The following FOXO1 variants were observed in gnomAD, a reference collection of about 807,000 sequenced individuals.
FOXO1 encodes the protein forkhead box O1, also known as forkhead box protein O1.
Under a neutral mutation model 44.1 loss-of-function variants are expected in FOXO1, and 6 were observed. The observed-to-expected ratio is 0.14, with a 90% confidence interval of 0.07 to 0.27. The LOEUF (loss-of-function observed/expected upper bound fraction) is 0.27, where lower values mean the gene tolerates loss of function less well. Ranked by LOEUF, FOXO1 falls within the 10% of genes least tolerant of loss-of-function variation. The pLI is 1.00. For missense variants in FOXO1, 737 were observed against 888.8 expected (o/e 0.83, Z 2.17); for synonymous variants, 380 against 362.7 (o/e 1.05, Z -0.54).
intron 1 of FOXO1, among the ~76,000 whole-genome samples, chr13:40,586,521 G>A (rs1459519797): frequency 6.6e-6 from 1 of 152,172 alleles, no homozygotes; most frequent in Non-Finnish European, 1.5e-5. Flanking sequence ...CTGCACAGAA[G>A]ATATGACTCT....
At position 40,560,757 on chromosome 13, in the gene FOXO1, T is replaced by C. The variant is rs1421246647; in HGVS notation, c.734A>G (p.Lys245Arg). ...SWWMLNPEGG[K>R]SGKSPRRRAA... ...TCTTCTCCTAGGAGATTTCCCGCTCTTGCCACCCTCTGGATTGAGCATCCA... is the reference window on the plus strand; with the variant it reads ...TCTTCTCCTAGGAGATTTCCCGCTCCTGCCACCCTCTGGATTGAGCATCCA... The change falls in exon 2 of 3, where the codon AAG becomes AGG. Residue 245 changes from lysine to arginine, a missense_variant. Transcript: ENST00000379561. This position sits in a 1 kb window ranked among gnomAD's most constrained non-coding sequence, Gnocchi z 5.1. 6.2e-7 allele frequency: 1 copy of C among 1,614,222 alleles called. No homozygotes were observed. Among genetic ancestry groups the C allele is most frequent in the East Asian group, 2.2e-5 (1 of 44,886 alleles).
chr13:40,583,488 T>C lies in FOXO1; in HGVS notation c.631-22628A>G, dbSNP rs145745364. Among the ~76,000 whole-genome samples, 75 of 152,370 alleles carry C rather than the reference T, an allele frequency of 4.9e-4. No homozygotes were observed. In the East Asian group the frequency reaches 0.013, roughly 27 times the overall value. On this transcript the variant is annotated intron_variant, in intron 1 of 2. Transcript: ENST00000379561. ...CACTTCATCTACATTGAAAATCTGT[T>C]GTTTAGTGTGGCCACCTTCATCAAT... is the stretch of plus-strand genomic sequence containing the variant.
intron 1 of FOXO1, among the ~76,000 whole-genome samples, chr13:40,573,512 C>G (rs1276836405): frequency 6.6e-6 from 1 of 152,220 alleles, no homozygotes; most frequent in Non-Finnish European, 1.5e-5. Flanking sequence ...CCTGAACCAC[C>G]TGAGGGTCCC....
chr13:40,577,148 TC>T (rs1432992562), intron 1 of FOXO1, among the ~76,000 whole-genome samples: 2 of 147,090 alleles, frequency 1.4e-5, no homozygotes, highest in East Asian at 2.0e-4. Context: ...GGCATCAGAC[TC>T]CCCCCACCCA....
At chr13:40,568,667 C>T (rs1198512833) in intron 1 of FOXO1, among the ~76,000 whole-genome samples, 1 of 152,108 alleles carries the variant, frequency 6.6e-6, no homozygotes, top group African/African-American at 2.4e-5. Flanking sequence ...CATGCTTACA[C>T]CCTAGATCCT....
At chr13:40,575,561 T>A (rs1471297244) in intron 1 of FOXO1, among the ~76,000 whole-genome samples, 1 of 152,226 alleles carries the variant, frequency 6.6e-6, no homozygotes, top group Non-Finnish European at 1.5e-5. Context: ...CTACCTAATG[T>A]AAAGTATTTC....
chr13:40,658,259 G>A (rs954928833), intron 1 of FOXO1, among the ~76,000 whole-genome samples: 7 of 152,180 alleles, frequency 4.6e-5, no homozygotes, highest in South Asian at 2.1e-4. Flanking sequence ...AAAGCTAAAC[G>A]AGGGGAATGG....
intron 1 of FOXO1, among the ~76,000 whole-genome samples, chr13:40,594,639 C>T (rs1050124111): frequency 2.0e-5 from 3 of 152,152 alleles, no homozygotes; most frequent in Middle Eastern, 3.2e-3. Context: ...CGTCAGGGAG[C>T]GAGGGTTCTG....
At chr13:40,563,207 G>T (rs947022329) in intron 1 of FOXO1, among the ~76,000 whole-genome samples, 1 of 152,174 alleles carries the variant, frequency 6.6e-6, no homozygotes, top group African/African-American at 2.4e-5. Flanking sequence ...GGGACGCCCG[G>T]GCCCGAGTGC....
At chr13:40,638,039 A>G (rs534012440) in intron 1 of FOXO1, among the ~76,000 whole-genome samples, 15 of 152,354 alleles carry the variant, frequency 9.8e-5, no homozygotes, top group African/African-American at 2.6e-4. Flanking sequence ...GTTAACAGTG[A>G]TATGTCTACC....
At chr13:40,574,218 T>C (rs1258125648) in intron 1 of FOXO1, among the ~76,000 whole-genome samples, 2 of 151,922 alleles carry the variant, frequency 1.3e-5, no homozygotes, top group Admixed American at 6.5e-5. Flanking sequence ...CCACAATGTA[T>C]GTATTAGCAC....
At chr13:40,659,273 C>G (rs1306082379) in intron 1 of FOXO1, among the ~76,000 whole-genome samples, 1 of 146,154 alleles carries the variant, frequency 6.8e-6, no homozygotes, top group Non-Finnish European at 1.5e-5. Context: ...TGAGATCACG[C>G]CACTGCACTC....
intron 1 of FOXO1, among the ~76,000 whole-genome samples, chr13:40,580,772 C>T (rs1278595651): frequency 6.6e-6 from 1 of 152,144 alleles, no homozygotes; most frequent in Non-Finnish European, 1.5e-5. Flanking sequence ...TACGCAATCA[C>T]TATTAGCAGT....
At chr13:40,577,197 C>A (rs2137845464) in intron 1 of FOXO1, among the ~76,000 whole-genome samples, 1 of 128,554 alleles carries the variant, frequency 7.8e-6, no homozygotes, top group Non-Finnish European at 1.6e-5. Context: ...CATGATTACC[C>A]CCCGCCCACA....
Position 40,665,951 on chromosome 13 carries a change from C to A in FOXO1, c.262G>T (p.Gly88Cys). Residue 88 changes from glycine (G) to cysteine (C), a missense_variant, in exon 1 of 3, where the codon GGC becomes TGC. Around this residue, in one of 7 missense-constraint regions of FOXO1, gnomAD observed 213 missense variants for 236.4 expected, o/e 0.90. Coordinates refer to ENST00000379561, the MANE Select transcript of FOXO1 (RefSeq NM_002015.4). The part of the protein sequence containing the change: ...EESEDFPQAP[G>C]SVAAAVAAAA... ...GCCGCCACCGCCGCCGCCACGGAGC[C>A]GGGCGCCTGCGGGAAGTCCTCGCTC... 1 of 1,226,250 alleles carries A rather than the reference C, an allele frequency of 8.2e-7. No homozygotes were observed. The highest frequency in any genetic ancestry group is 1.0e-6 in the Non-Finnish European group (1 of 987,186). The allele number at this position is 1,226,250 out of a possible 1,614,324, so 76.0% of individuals were successfully genotyped here.
chr13:40,609,707 G>T (rs1462752828), intron 1 of FOXO1, among the ~76,000 whole-genome samples: 1 of 152,126 alleles, frequency 6.6e-6, no homozygotes, highest in East Asian at 1.9e-4. Flanking sequence ...ATTCTTCAGG[G>T]TGGGGGGGAA....
intron 1 of FOXO1, among the ~76,000 whole-genome samples, chr13:40,588,857 C>T (rs1344289474): frequency 1.3e-5 from 2 of 152,140 alleles, no homozygotes; most frequent in Admixed American, 6.6e-5. Flanking sequence ...GTAATCCCAG[C>T]ACTTTGGGAG....
chr13:40,611,813 T>C (rs1235882673), intron 1 of FOXO1, among the ~76,000 whole-genome samples: 3 of 152,242 alleles, frequency 2.0e-5, no homozygotes, highest in Non-Finnish European at 4.4e-5. Context: ...GGCTCACGCC[T>C]GTAAATCCCA....
intron 1 of FOXO1, among the ~76,000 whole-genome samples, chr13:40,592,304 C>T (rs978323101): frequency 6.6e-6 from 1 of 152,132 alleles, no homozygotes; most frequent in Non-Finnish European, 1.5e-5. Context: ...TTAAAAAAAA[C>T]AACTTCATCA....
Sources: gnomAD v4.1 joint callset for allele counts (sites outside exome capture counted in the v4.1 genomes callset) on GRCh38, gnomAD v4.1.1 for gene constraint, gnomAD v4.1.1 regional missense constraint, Gnocchi (gnomAD v3.1) non-coding constraint, MANE v1.5 for transcripts, NCBI Gene and HGNC (gene_info 2026-07-23, HGNC 2026-07-21) for gene names.